EBF1: variants seen among roughly 807,000 people sequenced by gnomAD.
The protein encoded by EBF1 is EBF transcription factor 1.
Under a neutral mutation model 68.4 loss-of-function variants are expected in EBF1, and 10 were observed. That is an observed-to-expected ratio of 0.15 (90% CI 0.09 to 0.25). The LOEUF (loss-of-function observed/expected upper bound fraction) is 0.25. EBF1 is among the 10% of genes least tolerant of loss of function. The pLI is 1.00. For synonymous variants in EBF1, 298 were observed against 299.8 expected, an observed-to-expected ratio of 0.99 and a Z score of 0.06; for missense variants, 509 against 794.4, an observed-to-expected ratio of 0.64 and a Z score of 4.32.
chr5:158,994,078 C>A (rs955510077), intron 6 of EBF1, among the ~76,000 whole-genome samples: 4 of 152,174 alleles, frequency 2.6e-5, no homozygotes, highest in African/African-American at 9.7e-5. Context: ...CTGGTTCCTG[C>A]ACCTCAGCCA....
At chr5:158,879,186 G>A (rs1798364205) in intron 6 of EBF1, among the ~76,000 whole-genome samples, 1 of 152,238 alleles carries the variant, frequency 6.6e-6, no homozygotes, top group Admixed American at 6.5e-5. Context: ...TAGGATGGTT[G>A]GTTCAGTACA....
chr5:159,002,345 C>T (rs1035633208), intron 6 of EBF1, among the ~76,000 whole-genome samples: 1 of 152,106 alleles, frequency 6.6e-6, no homozygotes, highest in South Asian at 2.1e-4. Context: ...AAGTATTTTG[C>T]CAATGAAAGT....
intron 6 of EBF1, among the ~76,000 whole-genome samples, chr5:158,862,365 CACAA>C (rs1484282548): frequency 7.2e-5 from 11 of 152,018 alleles, no homozygotes; most frequent in Non-Finnish European, 1.2e-4. Context: ...AACAAGAACA[CACAA>C]ACAAACAAAA....
intron 15 of EBF1, among the ~76,000 whole-genome samples, chr5:158,707,158 G>A (rs1758028131): frequency 6.6e-6 from 1 of 152,198 alleles, no homozygotes; most frequent in South Asian, 2.1e-4. Flanking sequence ...TAGCAGATAT[G>A]AGTACCTACC....
At chr5:158,878,273 C>A (rs572777366) in intron 6 of EBF1, among the ~76,000 whole-genome samples, 1 of 152,120 alleles carries the variant, frequency 6.6e-6, no homozygotes, top group Admixed American at 6.5e-5. Context: ...GAGAAAGTGG[C>A]ATGGGAAGAG....
intron 6 of EBF1, among the ~76,000 whole-genome samples, chr5:158,858,123 C>T (rs369304495): frequency 2.6e-5 from 4 of 152,168 alleles, no homozygotes; most frequent in South Asian, 2.1e-4. Flanking sequence ...GCAGCCGTGA[C>T]GGTGTCATGC....
In EBF1 at chr5:159,099,327, T is replaced by A. The variant is rs373051755; in HGVS notation, c.134+18A>T. ...CGCTCGCGGCTCACCTCGGCCGCGG[T>A]CCCCGCGCAGTACCCACCTCTGCGC... is the stretch of plus-strand genomic sequence containing the variant. On this transcript the variant is annotated intron_variant, in intron 1 of 15. Transcript: ENST00000313708. 106 of 1,537,540 alleles carry A rather than the reference T, an allele frequency of 6.9e-5. No individual in the cohort carries two copies. The African/African-American group carries it at 1.3e-3, about 19-fold the overall frequency.
At chr5:158,901,295 C>T (rs12517048) in intron 6 of EBF1, among the ~76,000 whole-genome samples, 1,818 of 152,268 alleles carry the variant, frequency 0.012, 38 homozygotes, top group African/African-American at 0.042. Flanking sequence ...CACCAAGCAC[C>T]GCTAAAGCTT....
At chr5:158,746,579 T>TC (rs2127581876) in intron 10 of EBF1, among the ~76,000 whole-genome samples, 1 of 152,206 alleles carries the variant, frequency 6.6e-6, no homozygotes, top group East Asian at 1.9e-4. Flanking sequence ...AGACTGAAGT[T>TC]CCCCAAACTG....
intron 6 of EBF1, among the ~76,000 whole-genome samples, chr5:158,917,542 C>G (rs913357582): frequency 2.6e-5 from 4 of 152,170 alleles, no homozygotes; most frequent in Non-Finnish European, 4.4e-5. Context: ...GGTATACACA[C>G]TTGTTAGTGG....
At chr5:158,904,649 G>T (rs903378872) in intron 6 of EBF1, among the ~76,000 whole-genome samples, 1 of 152,100 alleles carries the variant, frequency 6.6e-6, no homozygotes, top group African/African-American at 2.4e-5. Context: ...TTTTTCGAAA[G>T]GTAATATCCA....
At chr5:159,056,470 A>T (rs1774742422) in intron 6 of EBF1, among the ~76,000 whole-genome samples, 1 of 152,130 alleles carries the variant, frequency 6.6e-6, no homozygotes, top group African/African-American at 2.4e-5. Context: ...TTCTGGAATC[A>T]TTCTCCTGCA....
intron 6 of EBF1, among the ~76,000 whole-genome samples, chr5:158,956,367 A>G (rs1405234499): frequency 1.3e-5 from 2 of 152,142 alleles, no homozygotes; most frequent in Admixed American, 6.5e-5. Context: ...ATTAAAAGAA[A>G]GAGAACTCAA....
chr5:158,944,083 T>C (rs1814116181), intron 6 of EBF1, among the ~76,000 whole-genome samples: 1 of 152,186 alleles, frequency 6.6e-6, no homozygotes, highest in Non-Finnish European at 1.5e-5. Context: ...TACTTTTTTA[T>C]TATTATACTT....
At chr5:159,039,916 A>AAT (rs1423602413) in intron 6 of EBF1, among the ~76,000 whole-genome samples, 1 of 152,242 alleles carries the variant, frequency 6.6e-6, no homozygotes, top group Non-Finnish European at 1.5e-5. Flanking sequence ...GTACCTCTAA[A>AAT]AGGTGACAAA....
In EBF1 at chr5:158,848,599, T is replaced by C. The variant is rs1208114514; in HGVS notation, c.555-8489A>G. ...ATCTGGGTCTCTTGGGAAGTGTCAA[T>C]GAACATCACCATAAGGATTAAATTA... On this transcript the variant is annotated intron_variant, in intron 6 of 15. Coordinates refer to ENST00000313708, the MANE Select transcript of EBF1 (RefSeq NM_024007.5). Among the ~76,000 whole-genome samples, 3 of 152,184 alleles carry C rather than the reference T, an allele frequency of 2.0e-5. No individual in the cohort carries two copies. In the South Asian group the frequency reaches 6.2e-4, roughly 32 times the overall value.
chr5:158,819,433 C>T (rs1562019428), intron 8 of EBF1, among the ~76,000 whole-genome samples: 6 of 152,196 alleles, frequency 3.9e-5, no homozygotes, highest in Admixed American at 1.3e-4. Flanking sequence ...GTGAGGGCAC[C>T]GCATTTTGCC....
intron 12 of EBF1, among the ~76,000 whole-genome samples, 183 bp downstream of exon 12, chr5:158,713,934 G>A (rs1415763183): frequency 6.6e-6 from 1 of 152,192 alleles, no homozygotes; most frequent in Non-Finnish European, 1.5e-5. Flanking sequence ...TCAGTGGAAA[G>A]GGCAATAAAA....
chr5:158,804,410 C>A (rs1374668378), intron 8 of EBF1, among the ~76,000 whole-genome samples: 1 of 152,078 alleles, frequency 6.6e-6, no homozygotes, highest in Non-Finnish European at 1.5e-5. Flanking sequence ...AATCAATGGA[C>A]ATAGCACCTG....
Sources: allele counts gnomAD v4.1 joint callset (sites outside exome capture counted in the v4.1 genomes callset), GRCh38; gene constraint gnomAD v4.1.1; transcripts MANE v1.5; gene names NCBI Gene and HGNC (gene_info 2026-07-23, HGNC 2026-07-21).